Variants in RAP1GAP2 observed in about 807,000 individuals in gnomAD.
The protein encoded by RAP1GAP2 is rap1 GTPase-activating protein 2.
A neutral mutation model predicts 95.0 loss-of-function variants in RAP1GAP2; 27 were observed. That is an observed-to-expected ratio of 0.28 (90% CI 0.21 to 0.39). The LOEUF (loss-of-function observed/expected upper bound fraction) is 0.39. RAP1GAP2 is among the 10% of genes least tolerant of loss of function. The pLI is 1.00. For synonymous variants in RAP1GAP2, 373 were observed against 380.9 expected, an observed-to-expected ratio of 0.98 and a Z score of 0.24; for missense variants, 771 against 970.0, an observed-to-expected ratio of 0.79 and a Z score of 2.72.
chr17:2,801,501 ATT>A (rs1037239093), intron 2 of RAP1GAP2, among the ~76,000 whole-genome samples: 2 of 150,978 alleles, frequency 1.3e-5, no homozygotes, highest in African/African-American at 4.9e-5. Flanking sequence ...AGATAATTAC[ATT>A]TTTTATCACT....
At chr17:3,002,266 T>C (rs2046186801) in intron 14 of RAP1GAP2, among the ~76,000 whole-genome samples, 1 of 152,190 alleles carries the variant, frequency 6.6e-6, no homozygotes, top group Non-Finnish European at 1.5e-5. Flanking sequence ...TGGCTGTCTT[T>C]ACTCTTTCTT....
At position 3,034,660 on chromosome 17, in the gene RAP1GAP2, C is replaced by T; in HGVS notation, c.*1299C>T. ...GACCCCATCTGGGTGTGGGTCAGAC[C>T]CTGTGACCCACATGCCACCCCCACC... On this transcript the variant is annotated 3_prime_UTR_variant, in exon 25 of 25. Transcript: ENST00000254695. This position sits in a 1 kb window ranked among gnomAD's most constrained non-coding sequence, Gnocchi z 5.1. The T allele has an allele frequency of 6.5e-6, 1 of 152,976 alleles. No individual in the cohort carries two copies. The highest frequency in any genetic ancestry group is 1.5e-5 in the Non-Finnish European group (1 of 68,278). The allele number at this position is 152,976 out of a possible 1,614,324, so 9.5% of individuals were successfully genotyped here.
rs572857268 is a variant in RAP1GAP2 at position 2,947,195 on chromosome 17, G to A, written c.166-10564G>A. On this transcript the variant is annotated intron_variant, in intron 3 of 24. Transcript: ENST00000254695. ...AACGCTCCAGCAGCAAAGGAGCCGT[G>A]AGCATCAGGAGTTGGTGGAAAAAGG... 4.0e-5 allele frequency among the ~76,000 whole-genome samples: 6 copies of A among 151,838 alleles called. No homozygotes were observed. The Middle Eastern group carries it at 0.01, about 258-fold the overall frequency.
At chr17:2,976,188 A>T (rs1265137664) in intron 8 of RAP1GAP2, among the ~76,000 whole-genome samples, 1 of 152,240 alleles carries the variant, frequency 6.6e-6, no homozygotes, top group Non-Finnish European at 1.5e-5. Flanking sequence ...CAGGCAAAAA[A>T]TTGTGAGGCT....
chr17:2,877,619 C>T (rs1468936431), intron 2 of RAP1GAP2, among the ~76,000 whole-genome samples: 5 of 152,224 alleles, frequency 3.3e-5, no homozygotes, highest in East Asian at 1.9e-4. Context: ...GGTATGGTGG[C>T]GGGCACCTGT....
intron 2 of RAP1GAP2, among the ~76,000 whole-genome samples, chr17:2,835,356 A>T (rs972922057): frequency 6.6e-6 from 1 of 151,960 alleles, no homozygotes; most frequent in Non-Finnish European, 1.5e-5. Flanking sequence ...AGTAGCTGGG[A>T]TTACAGGTGT....
chr17:2,941,007 AG>A (rs2043472927), intron 3 of RAP1GAP2, among the ~76,000 whole-genome samples: 1 of 152,200 alleles, frequency 6.6e-6, no homozygotes, highest in South Asian at 2.1e-4. Flanking sequence ...CCTTGTGACC[AG>A]CCAGAAACGG....
chr17:2,849,015 T>G (rs906986416), intron 2 of RAP1GAP2, among the ~76,000 whole-genome samples: 1 of 152,038 alleles, frequency 6.6e-6, no homozygotes, highest in African/African-American at 2.4e-5. Context: ...AGCACAGGTG[T>G]GAGCGTTCAG....
chr17:2,927,421 G>A (rs1212681784), intron 3 of RAP1GAP2, among the ~76,000 whole-genome samples: 1 of 152,150 alleles, frequency 6.6e-6, no homozygotes, highest in Non-Finnish European at 1.5e-5. Flanking sequence ...CCAAAGTGCT[G>A]GGATTACAGG....
intron 3 of RAP1GAP2, among the ~76,000 whole-genome samples, chr17:2,927,449 G>A (rs951168700): frequency 5.3e-5 from 8 of 152,182 alleles, no homozygotes; most frequent in Non-Finnish European, 1.2e-4. Flanking sequence ...CACCGCGCCC[G>A]GCTGAGCAAG....
At chr17:2,980,250 T>C (rs2045308062) in intron 8 of RAP1GAP2, 37 bp from the exon 9 acceptor site, 1 of 1,608,428 alleles carries the variant, frequency 6.2e-7, no homozygotes, top group Non-Finnish European at 8.5e-7. Context: ...CACTGACTGT[T>C]TCTTAGGGAT....
At chr17:3,025,696 G>A (rs951079924) in intron 19 of RAP1GAP2, among the ~76,000 whole-genome samples, 6 of 152,184 alleles carry the variant, frequency 3.9e-5, no homozygotes, top group South Asian at 2.1e-4. Context: ...CCACAACTCC[G>A]CCAGGTGTGA....
intron 1 of RAP1GAP2, among the ~76,000 whole-genome samples, chr17:2,758,790 T>C (rs1321601815): frequency 1.3e-5 from 2 of 152,156 alleles, no homozygotes; most frequent in African/African-American, 4.8e-5. Flanking sequence ...ATTTATAGAC[T>C]CACTGAACTG....
Position 3,005,560 on chromosome 17 carries a change from G to A in RAP1GAP2, c.1272+120G>A, listed in dbSNP as rs1254038414. On this transcript the variant is annotated intron_variant, in intron 15 of 24. Transcript: ENST00000254695. This position sits in a 1 kb window ranked among gnomAD's most constrained non-coding sequence, Gnocchi z 5.2. ...GAACATTAGGGAGCTCCTTTTGCAG[G>A]TTTTGGGGGGAACCTCCTTTCTTGG... is the stretch of plus-strand genomic sequence containing the variant. The A allele has an allele frequency of 8.6e-7, 1 of 1,164,438 alleles. No homozygotes were observed. The highest frequency in any genetic ancestry group is 1.3e-6 in the Non-Finnish European group (1 of 774,838). The allele number at this position is 1,164,438 out of a possible 1,614,324, so 72.1% of individuals were successfully genotyped here.
chr17:2,850,951 T>A (rs532833806), intron 2 of RAP1GAP2, among the ~76,000 whole-genome samples: 15 of 151,602 alleles, frequency 9.9e-5, no homozygotes, highest in Admixed American at 2.6e-4. Flanking sequence ...TCCCAGCTAC[T>A]CAGGAGGCTG....
intron 2 of RAP1GAP2, among the ~76,000 whole-genome samples, chr17:2,863,682 A>G (rs1340001154): frequency 6.6e-6 from 1 of 152,056 alleles, no homozygotes; most frequent in Non-Finnish European, 1.5e-5. Flanking sequence ...CTGGAGGGTA[A>G]AGCAACTTGT....
intron 3 of RAP1GAP2, among the ~76,000 whole-genome samples, chr17:2,925,852 G>T (rs562349692): frequency 7.3e-4 from 111 of 152,212 alleles, no homozygotes; most frequent in South Asian, 2.3e-3. Context: ...TTAGGAACCT[G>T]GTCAGGCCAG....
At position 3,020,633 on chromosome 17, in the gene RAP1GAP2, G is replaced by A. The variant is rs377077183; in HGVS notation, c.1751+38G>A. 5.3e-5 allele frequency: 84 copies of A among 1,578,264 alleles called. No homozygotes were observed. The South Asian group carries it at 5.5e-4, about 10-fold the overall frequency. ...AAACCCCTACCCCAGCCTGACTTGC[G>A]GGGTCTGTCAACCCCCTCCACTGCT... is the stretch of plus-strand genomic sequence containing the variant. On this transcript the variant is annotated intron_variant, in intron 19 of 24. Transcript: ENST00000254695.
chr17:2,764,128 A>G (rs562875344), intron 1 of RAP1GAP2, among the ~76,000 whole-genome samples: 1 of 152,090 alleles, frequency 6.6e-6, no homozygotes, highest in Non-Finnish European at 1.5e-5. Flanking sequence ...AAAGGTATTT[A>G]CCTTTTAAAA....
Sources: gnomAD v4.1 joint callset for allele counts (sites outside exome capture counted in the v4.1 genomes callset) on GRCh38, gnomAD v4.1.1 for gene constraint, Gnocchi (gnomAD v3.1) non-coding constraint, MANE v1.5 for transcripts, NCBI Gene and HGNC (gene_info 2026-07-23, HGNC 2026-07-21) for gene names.